NRG1: variants seen among roughly 807,000 people sequenced by gnomAD.
The protein encoded by NRG1 is neuregulin 1.
A neutral mutation model predicts 63.8 loss-of-function variants in NRG1; 18 were observed. The ratio of observed to expected loss-of-function variants is 0.28; its 90% CI spans 0.19 to 0.42. NRG1 has a LOEUF of 0.42. Among genes scored for constraint, NRG1 ranks in the 10% least tolerant of loss-of-function variants. NRG1 has a pLI of 1.00. For missense variants in NRG1, 762 were observed against 814.7 expected, an observed-to-expected ratio of 0.94 and a Z score of 0.79; for synonymous variants, 302 against 301.3, an observed-to-expected ratio of 1.00 and a Z score of -0.02.
chr8:32,131,158 G>A (rs746432245), intron 1 of NRG1, among the ~76,000 whole-genome samples: 17 of 151,864 alleles, frequency 1.1e-4, no homozygotes, highest in South Asian at 2.1e-4. Context: ...AAGCTGTGGG[G>A]ACTTACTAAG....
At chr8:32,314,452 A>G (rs199758165) in intron 1 of NRG1, among the ~76,000 whole-genome samples, 1 of 10,102 alleles carries the variant, frequency 9.9e-5, no homozygotes, top group Non-Finnish European at 1.5e-4. Flanking sequence ...TCGCGTGAAG[A>G]CTAAGTAGAC....
intron 5 of NRG1, among the ~76,000 whole-genome samples, chr8:32,619,207 C>G (rs748054786): frequency 1.3e-5 from 2 of 152,186 alleles, no homozygotes; most frequent in Non-Finnish European, 2.9e-5. Flanking sequence ...GAGGGAGACT[C>G]TGTTTCAAGA....
intron 2 of NRG1, 26 bp from the exon 3 acceptor site, chr8:32,605,536 A>T: frequency 6.2e-7 from 1 of 1,611,954 alleles, no homozygotes. Flanking sequence ...ATATATACTG[A>T]CACCACTTTG....
intron 1 of NRG1, among the ~76,000 whole-genome samples, chr8:32,075,209 A>G (rs901600228): frequency 1.6e-4 from 25 of 152,176 alleles, no homozygotes; most frequent in African/African-American, 5.8e-4. Context: ...ACATTTTTGA[A>G]CCTTTTATGC....
At chr8:31,740,577 A>G (rs1473935556) in intron 1 of NRG1, among the ~76,000 whole-genome samples, 1 of 152,034 alleles carries the variant, frequency 6.6e-6, no homozygotes, top group Non-Finnish European at 1.5e-5. Context: ...ATTACTAACA[A>G]AAAATTGCCA....
chr8:32,110,517 T>C (rs942507043), intron 1 of NRG1, among the ~76,000 whole-genome samples: 3 of 152,182 alleles, frequency 2.0e-5, no homozygotes, highest in African/African-American at 7.2e-5. Flanking sequence ...CTTTGCTCTT[T>C]TGTGTGCTGG....
intron 5 of NRG1, among the ~76,000 whole-genome samples, chr8:32,715,931 C>T (rs976863189): frequency 7.9e-5 from 12 of 152,198 alleles, no homozygotes; most frequent in African/African-American, 2.4e-4. Context: ...CGTGAGCCAT[C>T]GTGCCTGGCC....
intron 1 of NRG1, among the ~76,000 whole-genome samples, chr8:32,010,800 A>G (rs536690094): frequency 3.9e-5 from 6 of 152,164 alleles, no homozygotes; most frequent in African/African-American, 1.4e-4. Context: ...TTACATTTAG[A>G]GAGTTACCGT....
rs1047441352 is a variant in NRG1 at position 32,183,637 on chromosome 8, C to T, written c.38-412191C>T. 2.2e-4 allele frequency among the ~76,000 whole-genome samples: 33 copies of T among 152,172 alleles called. 1 individual carries two copies. The highest frequency in any genetic ancestry group is 7.0e-4 in the African/African-American group (29 of 41,424). Reference sequence around the variant, plus strand: ...AGGAATCAACCAACCAAGTGCCAGCCACTAATAGCCTTCAGGTTAATAAAT... The same window carrying T: ...AGGAATCAACCAACCAAGTGCCAGCTACTAATAGCCTTCAGGTTAATAAAT... On this transcript the variant is annotated intron_variant, in intron 1 of 10. Transcript: ENST00000519301.
chr8:32,073,690 C>T (rs573994868), intron 1 of NRG1, among the ~76,000 whole-genome samples: 6 of 152,266 alleles, frequency 3.9e-5, no homozygotes, highest in African/African-American at 1.4e-4. Context: ...CATCTATGCA[C>T]TTCCACACAG....
At chr8:32,439,336 G>A (rs1356527167) in intron 1 of NRG1, among the ~76,000 whole-genome samples, 1 of 152,116 alleles carries the variant, frequency 6.6e-6, no homozygotes, top group African/African-American at 2.4e-5. Context: ...CTTTGCTTCA[G>A]GGACTTACAT....
intron 1 of NRG1, among the ~76,000 whole-genome samples, chr8:31,677,628 A>G (rs748867808): frequency 2.0e-5 from 3 of 152,134 alleles, no homozygotes; most frequent in African/African-American, 4.8e-5. Context: ...CATACAGTAT[A>G]CTTCCAACAA....
At chr8:32,250,082 C>T (rs1848945767) in intron 1 of NRG1, among the ~76,000 whole-genome samples, 1 of 152,014 alleles carries the variant, frequency 6.6e-6, no homozygotes, top group African/African-American at 2.4e-5. Context: ...TACTCTTTTC[C>T]GGAAGCACAG....
At chr8:32,017,994 C>G (rs1199242203) in intron 1 of NRG1, among the ~76,000 whole-genome samples, 2 of 152,166 alleles carry the variant, frequency 1.3e-5, no homozygotes, top group Non-Finnish European at 2.9e-5. Flanking sequence ...TGACCAGTCT[C>G]CATCCTAAAG....
intron 1 of NRG1, among the ~76,000 whole-genome samples, chr8:32,569,343 C>G (rs1394474491): frequency 6.6e-6 from 1 of 152,178 alleles, no homozygotes; most frequent in Admixed American, 6.5e-5. Context: ...GCCACCGTGC[C>G]TGGCCAGGCC....
chr8:32,563,980 A>G (rs1836952068), intron 1 of NRG1, among the ~76,000 whole-genome samples: 1 of 152,164 alleles, frequency 6.6e-6, no homozygotes, highest in Non-Finnish European at 1.5e-5. Flanking sequence ...TCTCCTCTCG[A>G]TAAAATGAGT....
chr8:31,877,192 T>C (rs1328495727), intron 1 of NRG1, among the ~76,000 whole-genome samples: 2 of 152,226 alleles, frequency 1.3e-5, no homozygotes, highest in African/African-American at 4.8e-5. Flanking sequence ...TCAAAGTTGA[T>C]GGCCTTGTTA....
intron 1 of NRG1, among the ~76,000 whole-genome samples, chr8:32,158,550 G>T (rs1306714618): frequency 1.4e-5 from 2 of 147,276 alleles, no homozygotes; most frequent in Non-Finnish European, 3.0e-5. Flanking sequence ...CAAGCTAGCT[G>T]GTAGAATTAA....
chr8:32,253,395 C>G (rs1310698827), intron 1 of NRG1, among the ~76,000 whole-genome samples: 1 of 152,148 alleles, frequency 6.6e-6, no homozygotes, highest in Non-Finnish European at 1.5e-5. Context: ...GAGCTTTTAG[C>G]ATGAAGTAGC....
Sources: gnomAD v4.1 joint callset for allele counts (sites outside exome capture counted in the v4.1 genomes callset) on GRCh38, gnomAD v4.1.1 for gene constraint, MANE v1.5 for transcripts, NCBI Gene and HGNC (gene_info 2026-07-23, HGNC 2026-07-21) for gene names.